Variants in ELP1 observed in about 807,000 individuals in gnomAD.
ELP1 encodes the protein elongator acetyltransferase complex subunit 1.
In ELP1, 131 loss-of-function variants were observed where a neutral mutation model predicts 183.2. That is an observed-to-expected ratio of 0.72 (90% CI 0.62 to 0.83). The LOEUF (loss-of-function observed/expected upper bound fraction) is 0.83. Ranked by LOEUF, ELP1 falls within the 40% of genes least tolerant of loss-of-function variation. ELP1 has a pLI of 0.00. For missense variants in ELP1, 1,550 were observed against 1,594.9 expected, an observed-to-expected ratio of 0.97 and a Z score of 0.48; for synonymous variants, 555 against 569.0, an observed-to-expected ratio of 0.98 and a Z score of 0.35.
At chr9:108,880,648 T>C (rs529433464) in intron 31 of ELP1, among the ~76,000 whole-genome samples, 2 of 152,280 alleles carry the variant, frequency 1.3e-5, no homozygotes, top group Admixed American at 1.3e-4. Flanking sequence ...GAATACATTT[T>C]AAAAAAGCAA....
In ELP1 at chr9:108,918,335, G is replaced by A. The variant is rs187744843; in HGVS notation, c.740+476C>T. ...GGCCAAGGAGGAGAATGGAAGGAAA[G>A]AGCAGGGTCTGAATCCAGCCTGCAT... is the stretch of plus-strand genomic sequence containing the variant. On this transcript the variant is annotated intron_variant, in intron 8 of 36. Transcript: ENST00000374647. Among the ~76,000 whole-genome samples, 13 of 152,312 alleles carry A rather than the reference G, an allele frequency of 8.5e-5. No individual in the cohort carries two copies. In the East Asian group the frequency reaches 2.5e-3, roughly 29 times the overall value.
intron 29 of ELP1, among the ~76,000 whole-genome samples, chr9:108,884,401 TCTAA>T (rs1828044901): frequency 6.6e-6 from 1 of 152,166 alleles, no homozygotes; most frequent in East Asian, 1.9e-4. Context: ...ATCAACCTAA[TCTAA>T]CTGACATTTA....
At chr9:108,885,588 A>C (rs1199535426) in intron 29 of ELP1, among the ~76,000 whole-genome samples, 4 of 152,212 alleles carry the variant, frequency 2.6e-5, no homozygotes, top group Non-Finnish European at 5.9e-5. Flanking sequence ...CATTTAAAGA[A>C]AAAAATATCT....
rs938697352 is a variant in ELP1 at position 108,869,089 on chromosome 9, G to A, written c.*26C>T. On this transcript the variant is annotated 3_prime_UTR_variant, in exon 37 of 37. Transcript: ENST00000374647. The stretch of plus-strand genomic sequence containing the variant: ...GGAATGAGTGGAAATGGTCTTCTCT[G>A]TCGGATCCCTCCTAACTGCAGTCAC... 2 of 1,603,776 alleles carry A rather than the reference G, an allele frequency of 1.2e-6. No homozygotes were observed. The highest frequency in any genetic ancestry group is 1.7e-4 in the Middle Eastern group (1 of 6,040).
rs774678965 is a variant in ELP1 at position 108,896,947 on chromosome 9, C to T, written c.2587+6G>A. 4.3e-6 allele frequency: 7 copies of T among 1,613,004 alleles called. No homozygotes were observed. The South Asian group carries it at 6.6e-5, about 15-fold the overall frequency. ...TTAAGCACTTTCTCTGTGAGCGGATCTCTACCTTGAAGCTCGTGTACTTTT... is the reference window on the plus strand; with the variant it reads ...TTAAGCACTTTCTCTGTGAGCGGATTTCTACCTTGAAGCTCGTGTACTTTT... On this transcript the variant is annotated splice_donor_region_variant and intron_variant, in intron 24 of 36. Transcript: ENST00000374647.
chr9:108,898,229 A>C lies in ELP1; in HGVS notation c.2363+273T>G, dbSNP rs142318579. Among the ~76,000 whole-genome samples the C allele has an allele frequency of 2.6e-3, 395 of 152,350 alleles. 3 individuals carry two copies. Among genetic ancestry groups the C allele is most frequent in the African/African-American group, 8.7e-3 (361 of 41,592 alleles). On this transcript the variant is annotated intron_variant, in intron 22 of 36. Coordinates refer to ENST00000374647, the MANE Select transcript of ELP1 (RefSeq NM_003640.5). ...AGAGAGAAAGATGCCATTTGATTTC[A>C]GTCTCCTAGGAAAAACAAGTAGTTT...
At chr9:108,904,223 T>C (rs569404728) in intron 14 of ELP1, among the ~76,000 whole-genome samples, 1 of 151,442 alleles carries the variant, frequency 6.6e-6, no homozygotes, top group South Asian at 2.1e-4. Flanking sequence ...CCTGAGTCAA[T>C]GGAGCGAAGT....
At chr9:108,902,689 G>A (rs1828856159) in intron 16 of ELP1, 150 bp downstream of exon 16, 4 of 693,292 alleles carry the variant, frequency 5.8e-6, no homozygotes, top group African/African-American at 1.8e-5. Context: ...TGAATAAGGT[G>A]TGGCTTATGA....
rs766830694 is a variant in ELP1, at chr9:108,881,754, A to G, written c.3297T>C (p.Tyr1099=). The G allele has an allele frequency of 3.2e-6, 5 of 1,557,864 alleles. No homozygotes were observed. The highest frequency in any genetic ancestry group is 3.5e-6 in the Non-Finnish European group (4 of 1,129,244). ...TGGTTTCTATAATATCCAGTCTGTT[A>G]TATTTGTATACCTAGAAGGAAAAAC... The part of the protein sequence containing the change: ...WEEALRLVYK[Y]NRLDIIETNV... Residue 1099 remains tyrosine, a synonymous_variant, in exon 31 of 37, where the codon TAT becomes TAC. Transcript: ENST00000374647.
chr9:108,867,946 T>A lies in ELP1; in HGVS notation c.*1169A>T, dbSNP rs954794186. ...GTTAGTTTATGTACAGTGCTGTAGT[T>A]TAGGCATTTGTTTCCCTAAACCTCA... is the stretch of plus-strand genomic sequence containing the variant. On this transcript the variant is annotated 3_prime_UTR_variant, in exon 37 of 37. Transcript: ENST00000374647. The A allele has an allele frequency of 6.6e-6, 1 of 152,250 alleles. No homozygotes were observed. Among genetic ancestry groups the A allele is most frequent in the Non-Finnish European group, 1.5e-5 (1 of 68,036 alleles). 9.4% of individuals were successfully genotyped at this position (152,250 alleles called of 1,614,324 possible). A position where few individuals can be genotyped will look rare whatever the true frequency, so the allele number is the denominator to read the frequency against.
chr9:108,892,219 G>A (rs1828368993), intron 27 of ELP1, among the ~76,000 whole-genome samples: 2 of 152,188 alleles, frequency 1.3e-5, no homozygotes, highest in South Asian at 4.1e-4. Flanking sequence ...TGGCATTCAG[G>A]AGTAACCCAA....
At chr9:108,886,514 G>C (rs965899305) in intron 29 of ELP1, among the ~76,000 whole-genome samples, 31 of 152,150 alleles carry the variant, frequency 2.0e-4, no homozygotes, top group Non-Finnish European at 3.7e-4. Context: ...TGCAAGGTTG[G>C]TTTAACAGTA....
intron 26 of ELP1, among the ~76,000 whole-genome samples, chr9:108,893,578 G>A (rs1327015427): frequency 6.6e-6 from 1 of 152,184 alleles, no homozygotes; most frequent in Non-Finnish European, 1.5e-5. Flanking sequence ...GCACGGGGAG[G>A]TGGCCTCATC....
intron 36 of ELP1, among the ~76,000 whole-genome samples, chr9:108,873,765 A>G (rs995622926): frequency 6.6e-6 from 1 of 152,252 alleles, no homozygotes; most frequent in Non-Finnish European, 1.5e-5. Flanking sequence ...AGACGCCTGT[A>G]ATCCCAGCAC....
At chr9:108,899,520 G>C (rs1339658269) in intron 20 of ELP1, among the ~76,000 whole-genome samples, 5 of 152,042 alleles carry the variant, frequency 3.3e-5, no homozygotes, top group African/African-American at 9.7e-5. Context: ...ACAAGGTTTG[G>C]TGTGTACAAT....
At chr9:108,869,926 T>C (rs1299299110) in intron 36 of ELP1, among the ~76,000 whole-genome samples, 1 of 152,222 alleles carries the variant, frequency 6.6e-6, no homozygotes, top group East Asian at 1.9e-4. Context: ...TCCTTGAATG[T>C]AGGGTTATGG....
At chr9:108,932,868 T>C (rs537382268) in intron 1 of ELP1, among the ~76,000 whole-genome samples, 1 of 152,270 alleles carries the variant, frequency 6.6e-6, no homozygotes, top group East Asian at 1.9e-4. Flanking sequence ...TTCAAACTCT[T>C]CGCAGTTCTT....
At chr9:108,883,910 T>G (rs190216766) in intron 29 of ELP1, among the ~76,000 whole-genome samples, 85 of 151,300 alleles carry the variant, frequency 5.6e-4, no homozygotes, top group African/African-American at 2.0e-3. Context: ...ACAGCAAGAC[T>G]GTAGGTTTAA....
Position 108,900,248 on chromosome 9 carries a change from A to C in ELP1, c.2130+12T>G, listed in dbSNP as rs1333816110. 6.3e-7 allele frequency: 1 copy of C among 1,586,008 alleles called. No homozygotes were observed. Among genetic ancestry groups the C allele is most frequent in the East Asian group, 2.2e-5 (1 of 44,782 alleles). On this transcript the variant is annotated intron_variant, in intron 19 of 36. Coordinates refer to ENST00000374647, the MANE Select transcript of ELP1 (RefSeq NM_003640.5). ...AATCAGACTATCTATCTTGTCTGAA[A>C]AACCAGCTTACCTGTAATACAAGCT...
Sources: allele counts gnomAD v4.1 joint callset (sites outside exome capture counted in the v4.1 genomes callset), GRCh38; gene constraint gnomAD v4.1.1; transcripts MANE v1.5; gene names NCBI Gene and HGNC (gene_info 2026-07-23, HGNC 2026-07-21).